SCOC: variants seen among roughly 807,000 people sequenced by gnomAD.
SCOC encodes short coiled-coil protein.
SCOC carries 7 observed loss-of-function variants against 9.9 expected under a neutral mutation model. The ratio of observed to expected loss-of-function variants is 0.71; its 90% CI spans 0.40 to 1.33. The LOEUF (loss-of-function observed/expected upper bound fraction) is 1.33, where lower values mean the gene tolerates loss of function less well. Ranked by LOEUF, SCOC falls within the 40% of genes most tolerant of loss-of-function variation. The probability of loss-of-function intolerance (pLI) is 0.01; values close to 1 mark genes in which losing one functional copy is unlikely to be tolerated. For synonymous variants in SCOC, 19 were observed against 28.2 expected (o/e 0.67, Z 1.03); for missense variants, 66 against 89.7 (o/e 0.74, Z 1.07).
intron 2 of SCOC, chr4:140,366,179 CTTTCTTTTTTT>C (rs1384434483): frequency 2.8e-5 from 17 of 606,100 alleles, no homozygotes; most frequent in Non-Finnish European, 2.9e-5. Flanking sequence ...CCTTTTCTTT[CTTTCTTTTTTT>C]TTTTTTTTTC....
At chr4:140,260,601 A>C (rs1730609995) in intron 1 of SCOC, among the ~76,000 whole-genome samples, 1 of 152,144 alleles carries the variant, frequency 6.6e-6, no homozygotes, top group Non-Finnish European at 1.5e-5. Flanking sequence ...CAGTTCTCTC[A>C]CTTGTCACTC....
At chr4:140,278,620 A>G (rs1290783747) in intron 1 of SCOC, among the ~76,000 whole-genome samples, 1 of 152,140 alleles carries the variant, frequency 6.6e-6, no homozygotes, top group Non-Finnish European at 1.5e-5. Context: ...ACAAGGGTGG[A>G]GCCTTCATGA....
At chr4:140,369,676 A>G (rs1385020016), upstream of SCOC, among the ~76,000 whole-genome samples, 5 of 152,050 alleles carry the variant, frequency 3.3e-5, no homozygotes, top group Non-Finnish European at 5.9e-5. Flanking sequence ...ACAGTTTTCA[A>G]TTAGGACTTC....
At chr4:140,292,412 C>G (rs1731503624) in intron 1 of SCOC, among the ~76,000 whole-genome samples, 1 of 152,106 alleles carries the variant, frequency 6.6e-6, no homozygotes, top group African/African-American at 2.4e-5. Context: ...TGGTCTTGAA[C>G]TCCTGATGTC....
intron 2 of SCOC, among the ~76,000 whole-genome samples, chr4:140,345,579 A>T (rs1013541036): frequency 3.3e-5 from 5 of 152,222 alleles, no homozygotes; most frequent in Non-Finnish European, 7.3e-5. Context: ...TATTATAAAA[A>T]AATGGAGCTT....
chr4:140,309,460 C>T (rs1732087676), intron 1 of SCOC, among the ~76,000 whole-genome samples: 1 of 152,136 alleles, frequency 6.6e-6, no homozygotes, highest in African/African-American at 2.4e-5. Flanking sequence ...CCCCTTCTAA[C>T]ATAGCCTTGT....
At chr4:140,355,348 C>G (rs1199496129) in intron 2 of SCOC, among the ~76,000 whole-genome samples, 1 of 151,174 alleles carries the variant, frequency 6.6e-6, no homozygotes, top group Admixed American at 6.6e-5. Flanking sequence ...GTATTATATG[C>G]CAGGCACTGT....
chr4:140,350,322 A>G (rs1395835809), intron 2 of SCOC, among the ~76,000 whole-genome samples: 2 of 152,092 alleles, frequency 1.3e-5, no homozygotes, highest in Admixed American at 6.5e-5. Context: ...GTTTTCAAAT[A>G]TCTGTATTCC....
chr4:140,381,217 A>C lies in SCOC; in HGVS notation c.*113A>C. ...GTGGCTTCATTGAATATTTATGAAG[A>C]TAATGTCAGATGTAGACAAAAATAA... is the stretch of plus-strand genomic sequence containing the variant. On this transcript the variant is annotated 3_prime_UTR_variant, in exon 4 of 4. Transcript: ENST00000608372. 1.0e-6 allele frequency: 1 copy of C among 1,004,026 alleles called. No individual in the cohort carries two copies. The highest frequency in any genetic ancestry group is 1.4e-6 in the Non-Finnish European group (1 of 699,682). 62.2% of individuals were successfully genotyped at this position (1,004,026 alleles called of 1,614,324 possible).
intron 1 of SCOC, among the ~76,000 whole-genome samples, chr4:140,375,914 A>G (rs1253381873): frequency 6.6e-6 from 1 of 152,104 alleles, no homozygotes; most frequent in Admixed American, 6.6e-5. Flanking sequence ...CAGCGCCCCA[A>G]ATTCATTTCA....
chr4:140,343,788 C>A, intron 2 of SCOC: 2 of 1,010,068 alleles, frequency 2.0e-6, no homozygotes, highest in East Asian at 2.6e-5. Context: ...TTATTATTTT[C>A]AGTATAATGA....
At chr4:140,310,234 T>C (rs986543513) in intron 1 of SCOC, among the ~76,000 whole-genome samples, 4 of 152,228 alleles carry the variant, frequency 2.6e-5, no homozygotes, top group African/African-American at 9.6e-5. Flanking sequence ...CATTGTTGAA[T>C]TCCTACAGGG....
intron 1 of SCOC, among the ~76,000 whole-genome samples, chr4:140,295,952 GAAAGAA>G (rs1731622274): frequency 8.0e-6 from 1 of 124,312 alleles, no homozygotes; most frequent in African/African-American, 3.5e-5. Context: ...AAAAAAGAAA[GAAAGAA>G]AAAAAAAAAG....
upstream of SCOC, among the ~76,000 whole-genome samples, chr4:140,371,079 G>A (rs1372791662): frequency 1.3e-5 from 2 of 151,896 alleles, no homozygotes; most frequent in Non-Finnish European, 2.9e-5. Flanking sequence ...TAGAGACGGG[G>A]TTTCACCGTG....
chr4:140,302,097 G>A (rs541706271), intron 1 of SCOC, among the ~76,000 whole-genome samples: 1 of 152,310 alleles, frequency 6.6e-6, no homozygotes, highest in Admixed American at 6.5e-5. Context: ...GCCTCCCAAG[G>A]TGCTGGGATT....
chr4:140,353,628 G>A (rs1376101342), intron 2 of SCOC, among the ~76,000 whole-genome samples: 1 of 152,092 alleles, frequency 6.6e-6, no homozygotes, highest in African/African-American at 2.4e-5. Context: ...TCGATCTCTT[G>A]ACCTCATGAT....
chr4:140,259,337 C>T (rs1052155729), intron 1 of SCOC, among the ~76,000 whole-genome samples: 1 of 152,204 alleles, frequency 6.6e-6, no homozygotes, highest in Non-Finnish European at 1.5e-5. Flanking sequence ...TACTGTGCTC[C>T]AACCCTAGTT....
At position 140,262,966 on chromosome 4, in the gene SCOC, C is replaced by G. The variant is rs6536827; in HGVS notation, c.-19+5556C>G. The stretch of plus-strand genomic sequence containing the variant: ...ATCCAATCACCTCCTGCCAGGCCCC[C>G]CCTCCAACCCTGAGGATCACAACTC... On this transcript the variant is annotated intron_variant, in intron 1 of 4. Coordinates refer to the SCOC transcript ENST00000394205. 3.9e-5 allele frequency among the ~76,000 whole-genome samples: 6 copies of G among 152,086 alleles called. No homozygotes were observed. In the South Asian group the frequency reaches 8.3e-4, roughly 21 times the overall value.
intron 2 of SCOC, among the ~76,000 whole-genome samples, chr4:140,354,676 A>C (rs1727134359): frequency 6.6e-6 from 1 of 152,056 alleles, no homozygotes; most frequent in Admixed American, 6.5e-5. Context: ...TTATTTTTAA[A>C]AAGCAAACTG....
Sources: gnomAD v4.1 joint callset for allele counts (sites outside exome capture counted in the v4.1 genomes callset) on GRCh38, gnomAD v4.1.1 for gene constraint, MANE v1.5 for transcripts, NCBI Gene and HGNC (gene_info 2026-07-23, HGNC 2026-07-21) for gene names.